MAN1A2: variants seen among roughly 807,000 people sequenced by gnomAD.
MAN1A2 encodes mannosidase alpha class 1A member 2.
Under a neutral mutation model 75.7 loss-of-function variants are expected in MAN1A2, and 26 were observed. That is an observed-to-expected ratio of 0.34 (90% CI 0.25 to 0.48). The LOEUF (loss-of-function observed/expected upper bound fraction) is 0.48. Among genes scored for constraint, MAN1A2 ranks in the 20% least tolerant of loss-of-function variants. The pLI, the probability that MAN1A2 is intolerant of heterozygous loss-of-function variation, is 0.99. For missense variants in MAN1A2, 562 were observed against 775.5 expected, an observed-to-expected ratio of 0.72 and a Z score of 3.27; for synonymous variants, 247 against 264.6, an observed-to-expected ratio of 0.93 and a Z score of 0.65.
chr1:117,408,580 A>G (rs1647696560), intron 3 of MAN1A2, among the ~76,000 whole-genome samples: 1 of 152,048 alleles, frequency 6.6e-6, no homozygotes, highest in Non-Finnish European at 1.5e-5. Flanking sequence ...TTCTATATTA[A>G]TAAGAGATAC....
chr1:117,442,012 G>A (rs1471713555), intron 5 of MAN1A2, among the ~76,000 whole-genome samples: 1 of 152,034 alleles, frequency 6.6e-6, no homozygotes, highest in African/African-American at 2.4e-5. Flanking sequence ...TCAATTAATT[G>A]TTGTTTTAGG....
intron 3 of MAN1A2, among the ~76,000 whole-genome samples, chr1:117,406,353 T>C (rs1647613123): frequency 6.6e-6 from 1 of 152,200 alleles, no homozygotes; most frequent in Non-Finnish European, 1.5e-5. Context: ...CATTATCTTT[T>C]AAGTAATGAT....
At chr1:117,369,420 T>TG (rs1393018935) in intron 1 of MAN1A2, among the ~76,000 whole-genome samples, 1 of 152,196 alleles carries the variant, frequency 6.6e-6, no homozygotes, top group Non-Finnish European at 1.5e-5. Context: ...CTTGAGTATG[T>TG]GGGAAAAAAA....
At chr1:117,395,249 G>A (rs1293244604) in intron 1 of MAN1A2, among the ~76,000 whole-genome samples, 2 of 152,236 alleles carry the variant, frequency 1.3e-5, no homozygotes, top group Non-Finnish European at 2.9e-5. Context: ...CACAGTAAGT[G>A]TGAGAAAACT....
rs181408210 is a variant in MAN1A2 at position 117,447,107 on chromosome 1, T to C, written c.950+4782T>C. 4.2e-3 allele frequency among the ~76,000 whole-genome samples: 640 copies of C among 152,222 alleles called. 4 individuals carry two copies. The highest frequency in any genetic ancestry group is 0.015 in the African/African-American group (605 of 41,566). Reference sequence around the variant, plus strand: ...ATGCTTACTGTTTTCATGGTTTATCTCTTTTTTTCCATTTATTTTCAGCTT... The same window carrying C: ...ATGCTTACTGTTTTCATGGTTTATCCCTTTTTTTCCATTTATTTTCAGCTT... On this transcript the variant is annotated intron_variant, in intron 6 of 12. Transcript: ENST00000356554.
intron 5 of MAN1A2, among the ~76,000 whole-genome samples, chr1:117,439,940 A>C (rs994710601): frequency 6.6e-6 from 1 of 152,228 alleles, no homozygotes; most frequent in Non-Finnish European, 1.5e-5. Context: ...TCAAATGCTT[A>C]TACTGATTGA....
intron 1 of MAN1A2, among the ~76,000 whole-genome samples, chr1:117,375,430 T>TA (rs1653103006): frequency 6.6e-6 from 1 of 152,196 alleles, no homozygotes; most frequent in Admixed American, 6.5e-5. Context: ...ATAGTTTTTT[T>TA]AAAAAAAGAG....
At chr1:117,425,836 G>GATCAGTT (rs1281518570) in intron 5 of MAN1A2, among the ~76,000 whole-genome samples, 1 of 152,144 alleles carries the variant, frequency 6.6e-6, no homozygotes, top group Non-Finnish European at 1.5e-5. Flanking sequence ...TACCTTAGGT[G>GATCAGTT]ATCAGTTATC....
chr1:117,479,079 C>G (rs1650408779), intron 8 of MAN1A2, among the ~76,000 whole-genome samples: 1 of 151,778 alleles, frequency 6.6e-6, no homozygotes, highest in Admixed American at 6.6e-5. Context: ...TCTCCCTCCC[C>G]CTATACCTCC....
intron 1 of MAN1A2, among the ~76,000 whole-genome samples, chr1:117,371,852 A>G (rs1652975068): frequency 6.6e-6 from 1 of 151,902 alleles, no homozygotes; most frequent in African/African-American, 2.4e-5. Context: ...AGGTTATGGC[A>G]ACATCCAGTG....
intron 12 of MAN1A2, among the ~76,000 whole-genome samples, chr1:117,509,196 A>G (rs1047113840): frequency 1.3e-5 from 2 of 151,904 alleles, no homozygotes; most frequent in African/African-American, 4.8e-5. Context: ...TCTTAAAATT[A>G]GAAATTATTA....
chr1:117,509,939 A>G (rs1225938156), intron 12 of MAN1A2, among the ~76,000 whole-genome samples: 1 of 151,616 alleles, frequency 6.6e-6, no homozygotes, highest in African/African-American at 2.4e-5. Context: ...ACATATAAAA[A>G]TATATATAAT....
At chr1:117,406,584 T>C (rs1647625434) in intron 3 of MAN1A2, among the ~76,000 whole-genome samples, 1 of 152,100 alleles carries the variant, frequency 6.6e-6, no homozygotes, top group African/African-American at 2.4e-5. Context: ...ATAATTTCTG[T>C]TGGGTTTGGG....
At chr1:117,508,414 C>G (rs1476663628) in intron 12 of MAN1A2, among the ~76,000 whole-genome samples, 7 of 151,540 alleles carry the variant, frequency 4.6e-5, no homozygotes, top group Non-Finnish European at 4.4e-5. Flanking sequence ...ATCAGAGTCT[C>G]TGGGGCAGAA....
At position 117,496,678 on chromosome 1, in the gene MAN1A2, G is replaced by A. The variant is rs1651044484; in HGVS notation, c.1285-85G>A. 6 of 962,330 alleles carry A rather than the reference G, an allele frequency of 6.2e-6. No homozygotes were observed. In the Admixed American group the frequency reaches 1.3e-4, roughly 21 times the overall value. The allele number at this position is 962,330 out of a possible 1,614,324, so 59.6% of individuals were successfully genotyped here. The stretch of plus-strand genomic sequence containing the variant: ...ACTTTATAGACTATCATATTACCCA[G>A]GTTTTATAATGGCCAGAAGGATATA... On this transcript the variant is annotated intron_variant, in intron 9 of 12. Coordinates refer to ENST00000356554, the MANE Select transcript of MAN1A2 (RefSeq NM_006699.5).
At position 117,387,233 on chromosome 1, in the gene MAN1A2, A is replaced by C. The variant is rs572443038; in HGVS notation, c.303-14953A>C. Among the ~76,000 whole-genome samples, 444 of 151,994 alleles carry C rather than the reference A, an allele frequency of 2.9e-3. 2 individuals are homozygous for C. The highest frequency in any genetic ancestry group is 0.014 in the East Asian group (71 of 5,178). ...GGCTGTTGTAAAAAAAAAAAAAAAAAAACAAAGTAACAGGTGTTGGAGTGG... is the reference window on the plus strand; with the variant it reads ...GGCTGTTGTAAAAAAAAAAAAAAAACAACAAAGTAACAGGTGTTGGAGTGG... On this transcript the variant is annotated intron_variant, in intron 1 of 12. Transcript: ENST00000356554.
chr1:117,429,768 C>G (rs1648537561), intron 5 of MAN1A2, among the ~76,000 whole-genome samples: 1 of 115,856 alleles, frequency 8.6e-6, no homozygotes, highest in Non-Finnish European at 1.9e-5. Context: ...GCTGACCCCC[C>G]CACCTCCCTC....
chr1:117,460,487 A>G lies in MAN1A2; in HGVS notation c.951-2A>G. ...CTCCTTTTACTTTTCCTTTTCATTC[A>G]GTGGAGTAGGGCGAAACTGGGGCTG... On this transcript the variant is annotated splice_acceptor_variant, in intron 6 of 12. Coordinates refer to ENST00000356554, the MANE Select transcript of MAN1A2 (RefSeq NM_006699.5). LOFTEE classifies it high-confidence loss of function. 1 of 1,606,256 alleles carries G rather than the reference A, an allele frequency of 6.2e-7. No homozygotes were observed. The highest frequency in any genetic ancestry group is 8.5e-7 in the Non-Finnish European group (1 of 1,176,986).
intron 6 of MAN1A2, among the ~76,000 whole-genome samples, chr1:117,445,965 TA>T (rs1199584491): frequency 6.8e-6 from 1 of 147,604 alleles, no homozygotes; most frequent in Non-Finnish European, 1.5e-5. Flanking sequence ...TATATATTTA[TA>T]TATGATATAT....
Sources: allele counts gnomAD v4.1 joint callset (sites outside exome capture counted in the v4.1 genomes callset), GRCh38; gene constraint gnomAD v4.1.1; transcripts MANE v1.5; gene names NCBI Gene and HGNC (gene_info 2026-07-23, HGNC 2026-07-21).